RABGEF1: variants seen among roughly 807,000 people sequenced by gnomAD.
RABGEF1 encodes the protein rab5 GDP/GTP exchange factor.
A neutral mutation model predicts 57.3 loss-of-function variants in RABGEF1; 26 were observed. That is an observed-to-expected ratio of 0.45 (90% CI 0.33 to 0.63). The LOEUF is 0.63. RABGEF1 is among the 20% of genes least tolerant of loss of function. The probability of loss-of-function intolerance (pLI) is 0.02; values close to 1 mark genes in which losing one functional copy is unlikely to be tolerated. For missense variants in RABGEF1, 464 were observed against 607.6 expected (o/e 0.76, Z 2.48); for synonymous variants, 185 against 210.7 (o/e 0.88, Z 1.06).
chr7:66,677,415 A>G (rs943235806), upstream of RABGEF1, among the ~76,000 whole-genome samples: 15 of 152,150 alleles, frequency 9.9e-5, no homozygotes, highest in African/African-American at 3.6e-4. Context: ...TCTATAAAAA[A>G]TAAGAAATCA....
At chr7:66,750,312 TA>T (rs1287421729) in intron 1 of RABGEF1, among the ~76,000 whole-genome samples, 10 of 152,374 alleles carry the variant, frequency 6.6e-5, no homozygotes, top group African/African-American at 2.4e-4. Context: ...ATGCTTTTTA[TA>T]AAACATTGTT....
At chr7:66,656,592 C>T in the RABGEF1 span, among the ~76,000 whole-genome samples, 1 of 151,920 alleles carries the variant, frequency 6.6e-6, no homozygotes, top group Non-Finnish European at 1.5e-5. Flanking sequence ...GAGGCCGAGG[C>T]GGTCGGATCA....
At position 66,797,447 on chromosome 7, in the gene RABGEF1, A is replaced by G; in HGVS notation, c.669A>G (p.Val223=). ...KYIMTRLYKY[V]FCPETTDDEK... is the part of the protein sequence containing the mutation. ...TCATGACTCGTCTCTATAAATATGT[A>G]TTCTGTCCAGAAACTACTGATGATG... The change falls in exon 6 of 9, where the codon GTA becomes GTG. Residue 223 remains valine, a synonymous_variant. Transcript: ENST00000284957. 1 of 1,611,662 alleles carries G rather than the reference A, an allele frequency of 6.2e-7. No homozygotes were observed. The highest frequency in any genetic ancestry group is 8.5e-7 in the Non-Finnish European group (1 of 1,179,690).
intron 4 of RABGEF1, among the ~76,000 whole-genome samples, chr7:66,793,024 C>T (rs117396915): frequency 0.015 from 2,228 of 152,214 alleles, 60 homozygotes; most frequent in East Asian, 0.094. Context: ...AAGGAGTTTT[C>T]GGCATTGTAT....
intron 2 of RABGEF1, among the ~76,000 whole-genome samples, chr7:66,774,679 G>T (rs554008302): frequency 8.7e-4 from 132 of 152,242 alleles, no homozygotes; most frequent in Admixed American, 2.7e-3. Context: ...AGAATTGCTT[G>T]AACTCGGGAG....
chr7:66,773,838 G>C (rs1457808793), intron 2 of RABGEF1: 1 of 418,652 alleles, frequency 2.4e-6, no homozygotes, highest in African/African-American at 2.0e-5. Flanking sequence ...GCTAAGTTTT[G>C]TATTTTATGT....
chr7:66,656,820 CAAA>C, the RABGEF1 span, among the ~76,000 whole-genome samples: 2 of 73,858 alleles, frequency 2.7e-5, no homozygotes, highest in Admixed American at 1.6e-4. Flanking sequence ...AACTGCATCT[CAAA>C]AAAAAAAAAA....
chr7:66,775,347 A>C lies in RABGEF1; in HGVS notation c.300A>C (p.Thr100=). The C allele has an allele frequency of 6.2e-7, 1 of 1,613,988 alleles. No individual in the cohort carries two copies. ...KTNEKTRKVT[T]VKKFFSASSR... ...ACGAGAAGACCCGCAAGGTTACCAC[A>C]GTGAAGAAATTCTTCAGTGCATCTT... is the stretch of plus-strand genomic sequence containing the variant. Residue 100 remains threonine, a synonymous_variant, in exon 3 of 9, where the codon ACA becomes ACC. Transcript: ENST00000284957.
At chr7:66,700,243 C>G (rs1158084169) in intron 1 of RABGEF1, among the ~76,000 whole-genome samples, 1 of 152,238 alleles carries the variant, frequency 6.6e-6, no homozygotes, top group African/African-American at 2.4e-5. Flanking sequence ...GCGATGGGGC[C>G]AGATCCAGAG....
At chr7:66,753,706 T>TTG (rs1802003582) in intron 1 of RABGEF1, among the ~76,000 whole-genome samples, 2 of 139,920 alleles carry the variant, frequency 1.4e-5, no homozygotes, top group Admixed American at 7.3e-5. Context: ...CCATCGTTTT[T>TTG]TTTTTTTTTT....
intron 1 of RABGEF1, among the ~76,000 whole-genome samples, chr7:66,697,524 C>T (rs968037012): frequency 3.3e-5 from 5 of 152,146 alleles, no homozygotes; most frequent in South Asian, 2.1e-4. Context: ...ACTCTGGGCA[C>T]GGCCAGCCTC....
At chr7:66,657,875 C>T in the RABGEF1 span, among the ~76,000 whole-genome samples, 2 of 152,010 alleles carry the variant, frequency 1.3e-5, no homozygotes, top group Non-Finnish European at 2.9e-5. Context: ...AAATTAGTCA[C>T]CTCACTATAC....
At chr7:66,756,093 T>C in intron 1 of RABGEF1, 1 of 1,421,182 alleles carries the variant, frequency 7.0e-7, no homozygotes, top group Non-Finnish European at 9.3e-7. Flanking sequence ...TACTGAAAGA[T>C]ATATAAGAAG....
the RABGEF1 span, among the ~76,000 whole-genome samples, chr7:66,661,696 C>T: frequency 4.6e-5 from 7 of 152,202 alleles, no homozygotes; most frequent in Admixed American, 1.3e-4. Flanking sequence ...AGACATTTAA[C>T]GAAAATTAAT....
At chr7:66,669,381 G>T in the RABGEF1 span, 1 of 152,224 alleles carries the variant, frequency 6.6e-6, no homozygotes, top group Non-Finnish European at 1.5e-5. Flanking sequence ...GCCAATATGG[G>T]GTAACTCAGC....
At chr7:66,703,861 G>A (rs768707635) in intron 1 of RABGEF1, among the ~76,000 whole-genome samples, 53 of 152,184 alleles carry the variant, frequency 3.5e-4, no homozygotes, top group Non-Finnish European at 4.4e-4. Context: ...GGATTGCACT[G>A]AATCTGTAGA....
At chr7:66,778,559 A>G (rs1017242020) in intron 3 of RABGEF1, among the ~76,000 whole-genome samples, 1 of 152,178 alleles carries the variant, frequency 6.6e-6, no homozygotes, top group African/African-American at 2.4e-5. Context: ...TACCTCTTTC[A>G]TGAACGGATC....
chr7:66,690,335 G>A (rs1482021491), intron 1 of RABGEF1, among the ~76,000 whole-genome samples: 2 of 150,710 alleles, frequency 1.3e-5, no homozygotes, highest in African/African-American at 2.4e-5. Context: ...TCCTGACCTC[G>A]TGATCCACCT....
chr7:66,664,077 G>GA, the RABGEF1 span, among the ~76,000 whole-genome samples: 1,650 of 77,898 alleles, frequency 0.021, 17 homozygotes, highest in East Asian at 0.052. Context: ...GTCTCAAAAA[G>GA]AAAAAAAAAA....
Sources: allele counts gnomAD v4.1 joint callset (sites outside exome capture counted in the v4.1 genomes callset), GRCh38; gene constraint gnomAD v4.1.1; transcripts MANE v1.5; gene names NCBI Gene and HGNC (gene_info 2026-07-23, HGNC 2026-07-21).